The following SREBF2 variants were observed in gnomAD, a reference collection of about 807,000 sequenced individuals.
SREBF2 encodes sterol regulatory element binding transcription factor 2, also known as sterol regulatory element-binding protein 2.
Under a neutral mutation model 113.1 loss-of-function variants are expected in SREBF2, and 55 were observed. The observed-to-expected ratio is 0.49, with a 90% confidence interval of 0.39 to 0.61. The LOEUF (loss-of-function observed/expected upper bound fraction) is 0.61. Ranked by LOEUF, SREBF2 falls within the 20% of genes least tolerant of loss-of-function variation. The pLI, the probability that SREBF2 is intolerant of heterozygous loss-of-function variation, is 0.00. For missense variants in SREBF2, 1,349 were observed against 1,487.4 expected, an observed-to-expected ratio of 0.91 and a Z score of 1.53; for synonymous variants, 593 against 605.7, an observed-to-expected ratio of 0.98 and a Z score of 0.31.
chr22:41,878,080 C>G lies in SREBF2; in HGVS notation c.1718C>G (p.Thr573Ser). ...VIRPHSRSSVTFWRHRKQADL... is the reference protein window; with the variant it reads ...VIRPHSRSSVSFWRHRKQADL... ...CGGCCACACTCGCGCTCCTCGGTCA[C>G]CTTCTGGAGGCACCGGAAACAGGCA... Residue 573 changes from threonine to serine, a missense_variant, in exon 9 of 19, where the codon ACC (threonine) becomes AGC (serine). Around this residue, in one of 2 missense-constraint regions of SREBF2, gnomAD observed 699 missense variants for 843.3 expected, o/e 0.83. Coordinates refer to ENST00000361204, the MANE Select transcript of SREBF2 (RefSeq NM_004599.4). The G allele has an allele frequency of 6.2e-7, 1 of 1,614,188 alleles. No individual in the cohort carries two copies. Among genetic ancestry groups the G allele is most frequent in the South Asian group, 1.1e-5 (1 of 91,078 alleles).
Position 41,894,881 on chromosome 22 carries a change from G to A in SREBF2, c.2439G>A (p.Glu813=), listed in dbSNP as rs145113325. Reference sequence around the variant, plus strand: ...AGAACCTGCTGGAGCGAGCTATAGAGTCCTTGGTGAAACCTCAGGCCAAGA... The same window carrying A: ...AGAACCTGCTGGAGCGAGCTATAGAATCCTTGGTGAAACCTCAGGCCAAGA... ...FCKNLLERAI[E]SLVKPQAKKK... The change falls in exon 13 of 19, where the codon GAG becomes GAA. Residue 813 remains glutamate (E), a synonymous_variant. Transcript: ENST00000361204. 4.5e-4 allele frequency: 725 copies of A among 1,614,124 alleles called. No homozygotes were observed. The highest frequency in any genetic ancestry group is 5.8e-4 in the Non-Finnish European group (685 of 1,180,030).
At position 41,835,818 on chromosome 22, in the gene SREBF2, T is replaced by C. The variant is rs1179895043; in HGVS notation, c.88+2460T>C. On this transcript the variant is annotated intron_variant, in intron 1 of 18. Transcript: ENST00000361204. ...ATTTATATATATATGGTAGAGCCAG[T>C]CTCACTGTGTTGCCCAGGCTAGTCT... Among the ~76,000 whole-genome samples, 4 of 152,154 alleles carry C rather than the reference T, an allele frequency of 2.6e-5. No homozygotes were observed. The East Asian group carries it at 7.7e-4, about 29-fold the overall frequency.
intron 1 of SREBF2, among the ~76,000 whole-genome samples, chr22:41,835,561 T>C (rs1029910415): frequency 2.6e-4 from 40 of 152,134 alleles, no homozygotes; most frequent in African/African-American, 9.4e-4. Flanking sequence ...CCGCCCACCT[T>C]GGCCTCCTAA....
At chr22:41,862,362 C>T (rs1311807740) in intron 1 of SREBF2, among the ~76,000 whole-genome samples, 1 of 152,164 alleles carries the variant, frequency 6.6e-6, no homozygotes, top group African/African-American at 2.4e-5. Context: ...TGGGGCCTCA[C>T]CTACTTTGTT....
At chr22:41,860,038 C>G (rs2077012247) in intron 1 of SREBF2, among the ~76,000 whole-genome samples, 1 of 151,618 alleles carries the variant, frequency 6.6e-6, no homozygotes, top group African/African-American at 2.4e-5. Flanking sequence ...ATCTCCTGAC[C>G]TCATGATCCG....
At chr22:41,889,736 C>T (rs1053219381) in intron 11 of SREBF2, among the ~76,000 whole-genome samples, 2 of 149,736 alleles carry the variant, frequency 1.3e-5, no homozygotes, top group Non-Finnish European at 3.0e-5. Flanking sequence ...CACGGTGGCT[C>T]ATACCTGTAA....
chr22:41,845,158 T>G lies in SREBF2; in HGVS notation c.88+11800T>G, dbSNP rs539056070. ...GTTGGCCATGCTGGTCTTGAACTCC[T>G]TACCTCGTGATCCACCTGCCTTGGC... On this transcript the variant is annotated intron_variant, in intron 1 of 18. Transcript: ENST00000361204. Among the ~76,000 whole-genome samples, 11 of 152,222 alleles carry G rather than the reference T, an allele frequency of 7.2e-5. 1 individual carries two copies. In the South Asian group the frequency reaches 1.9e-3, roughly 26 times the overall value.
chr22:41,836,947 A>T (rs1295888969), intron 1 of SREBF2, among the ~76,000 whole-genome samples: 6 of 152,186 alleles, frequency 3.9e-5, no homozygotes, highest in African/African-American at 7.2e-5. Flanking sequence ...CTTCAAGGAT[A>T]TGGGCTCAGG....
At chr22:41,847,309 C>T (rs920213497) in intron 1 of SREBF2, among the ~76,000 whole-genome samples, 2 of 152,156 alleles carry the variant, frequency 1.3e-5, no homozygotes, top group African/African-American at 4.8e-5. Context: ...GTGAGGGCCT[C>T]CTTTTGCAGA....
At chr22:41,869,766 G>A (rs2077122346) in intron 3 of SREBF2, among the ~76,000 whole-genome samples, 1 of 151,914 alleles carries the variant, frequency 6.6e-6, no homozygotes, top group African/African-American at 2.4e-5. Context: ...ACTACAGGTG[G>A]GAGCCACTGT....
Position 41,897,126 on chromosome 22 carries a change from C to T in SREBF2, c.2570C>T (p.Pro857Leu), listed in dbSNP as rs149205651. 1.2e-6 allele frequency: 2 copies of T among 1,612,206 alleles called. No homozygotes were observed. The highest frequency in any genetic ancestry group is 1.7e-6 in the Non-Finnish European group (2 of 1,179,794). The change falls in exon 14 of 19, where the codon CCA (proline) becomes CTA (leucine). Residue 857 changes from proline (P) to leucine (L), a missense_variant. Physicochemically the swap from Pro to Leu is moderately conservative, Grantham distance 98. Around this residue, in one of 2 missense-constraint regions of SREBF2, gnomAD observed 650 missense variants for 644.1 expected, o/e 1.01. Coordinates refer to ENST00000361204, the MANE Select transcript of SREBF2 (RefSeq NM_004599.4). ...FVDSVGVMSP[P>L]LSRSSVLKSA... ...GACTCTGTGGGGGTTATGAGCCCCC[C>T]ACTCTCCAGGAGCTCCGTGCTCAAG...
chr22:41,851,849 G>C lies in SREBF2; in HGVS notation c.89-14982G>C, dbSNP rs551676802. ...AAAAAAAAACAAAGCGGCCGGGCGC[G>C]GTGGCTCACGCCTGTAATCCCAGCA... is the stretch of plus-strand genomic sequence containing the variant. On this transcript the variant is annotated intron_variant, in intron 1 of 18. Coordinates refer to ENST00000361204, the MANE Select transcript of SREBF2 (RefSeq NM_004599.4). 4.6e-5 allele frequency among the ~76,000 whole-genome samples: 7 copies of C among 151,816 alleles called. No homozygotes were observed. In the South Asian group the frequency reaches 1.5e-3, roughly 32 times the overall value.
Position 41,904,953 on chromosome 22 carries a change from A to T in SREBF2, c.3184A>T (p.Thr1062Ser). Residue 1062 changes from threonine to serine, a missense_variant, in exon 18 of 19, where the codon ACC (threonine) becomes TCC (serine). This residue lies in a region of SREBF2 where 650 missense variants were observed against 644.1 expected (regional missense o/e 1.01). Coordinates refer to ENST00000361204, the MANE Select transcript of SREBF2 (RefSeq NM_004599.4). ...QLLEHSLRRR[T>S]TQSTKHGEVD... ...GCTGGAACACAGCCTGCGGCGGCGCACCACGCAGAGCACCAAGCACGGTGA... is the reference window on the plus strand; with the variant it reads ...GCTGGAACACAGCCTGCGGCGGCGCTCCACGCAGAGCACCAAGCACGGTGA... 1 of 1,599,254 alleles carries T rather than the reference A, an allele frequency of 6.3e-7. No individual in the cohort carries two copies. The highest frequency in any genetic ancestry group is 8.5e-7 in the Non-Finnish European group (1 of 1,177,084).
At chr22:41,905,227 T>A (rs1193786809) in intron 18 of SREBF2, among the ~76,000 whole-genome samples, 1 of 152,172 alleles carries the variant, frequency 6.6e-6, no homozygotes, top group Non-Finnish European at 1.5e-5. Context: ...AAGCAGAAGC[T>A]CGAGCCAGGT....
intron 17 of SREBF2, chr22:41,904,568 C>T (rs936204739): frequency 1.7e-6 from 1 of 601,892 alleles, no homozygotes; most frequent in Non-Finnish European, 3.2e-6. Flanking sequence ...TCACCCAGGG[C>T]ACTTGTCTAC....
At chr22:41,861,214 TG>T (rs2077024231) in intron 1 of SREBF2, among the ~76,000 whole-genome samples, 1 of 152,230 alleles carries the variant, frequency 6.6e-6, no homozygotes, top group Admixed American at 6.5e-5. Context: ...CCGGGCGCTG[TG>T]GCTCACGCCT....
chr22:41,861,389 G>A (rs1374621892), intron 1 of SREBF2, among the ~76,000 whole-genome samples: 2 of 151,928 alleles, frequency 1.3e-5, no homozygotes, highest in South Asian at 2.1e-4. Flanking sequence ...GGATTACACC[G>A]GGAGGCTGAG....
intron 9 of SREBF2, chr22:41,878,626 A>T (rs1243363194): frequency 7.8e-7 from 1 of 1,276,142 alleles, no homozygotes; most frequent in Non-Finnish European, 1.0e-6. Context: ...TGAGCAGGAA[A>T]ACTAGCTGAA....
In SREBF2 at chr22:41,837,935, A is replaced by G. The variant is rs73885835; in HGVS notation, c.88+4577A>G. Among the ~76,000 whole-genome samples the G allele has an allele frequency of 7.2e-3, 1,100 of 152,158 alleles. 18 individuals carry two copies. The highest frequency in any genetic ancestry group is 0.025 in the African/African-American group (1,050 of 41,522). ...TTGGCTCATTTAAAAAAAAAGTACT[A>G]TAGGCACCCAATAAAGCATGTGTGC... On this transcript the variant is annotated intron_variant, in intron 1 of 18. Transcript: ENST00000361204.
Sources: allele counts gnomAD v4.1 joint callset (sites outside exome capture counted in the v4.1 genomes callset), GRCh38; gene constraint gnomAD v4.1.1; regional missense constraint gnomAD v4.1.1; transcripts MANE v1.5; gene names NCBI Gene and HGNC (gene_info 2026-07-23, HGNC 2026-07-21).